SNRPN: variants seen among roughly 807,000 people sequenced by gnomAD.
SNRPN encodes the protein small nuclear ribonucleoprotein polypeptide N, also known as small nuclear ribonucleoprotein-associated protein N.
SNRPN carries 7 observed loss-of-function variants against 25.2 expected under a neutral mutation model. The ratio of observed to expected loss-of-function variants is 0.28; its 90% CI spans 0.16 to 0.52. SNRPN has a LOEUF of 0.52. SNRPN is among the 20% of genes least tolerant of loss of function. The pLI, the probability that SNRPN is intolerant of heterozygous loss-of-function variation, is 0.96. For missense variants in SNRPN, 196 were observed against 322.5 expected, an observed-to-expected ratio of 0.61 and a Z score of 3.00; for synonymous variants, 124 against 110.6, an observed-to-expected ratio of 1.12 and a Z score of -0.76.
At chr15:24,876,391 TG>T (rs1405333419) in intron 1 of SNRPN, among the ~76,000 whole-genome samples, 4 of 151,300 alleles carry the variant, frequency 2.6e-5, no homozygotes, top group Admixed American at 6.7e-5. Flanking sequence ...GCTGAGATGG[TG>T]GATCACCTGA....
intron 1 of SNRPN, among the ~76,000 whole-genome samples, chr15:24,873,503 A>C (rs543992508): frequency 2.1e-5 from 3 of 145,336 alleles, no homozygotes; most frequent in Non-Finnish European, 4.5e-5. Context: ...GCTAGAGTGC[A>C]GTGGTGCAAT....
Position 24,834,751 on chromosome 15 carries a change from C to CTCTCTCTCTCTCTATATATA in SNRPN, c.-579+4847_-579+4848insCTCTCTCTCTCTATATATAT. Among the ~76,000 whole-genome samples, 87 of 60,930 alleles carry CTCTCTCTCTCTCTATATATA rather than the reference C, an allele frequency of 1.4e-3. 1 individual carries two copies. The highest frequency in any genetic ancestry group is 2.0e-3 in the Non-Finnish European group (60 of 30,216). The allele number at this position is 60,930 out of a possible 152,430, so 40.0% of individuals were successfully genotyped here. On this transcript the variant is annotated intron_variant, in intron 2 of 12. Transcript: ENST00000400100. ...TCCCTCTCTCTCTCTCTCTCTCTCT[C>CTCTCTCTCTCTCTATATATA]TATATATATATATATATATATATAT...
intron 2 of SNRPN, chr15:24,911,147 G>A (rs1276660702): frequency 7.1e-6 from 5 of 702,658 alleles, no homozygotes; most frequent in Middle Eastern, 4.2e-4. Context: ...TAGGTCGTCA[G>A]TGCTGGAAAG....
intron 2 of SNRPN, among the ~76,000 whole-genome samples, chr15:24,835,602 C>T (rs2051096310): frequency 6.6e-6 from 1 of 151,816 alleles, no homozygotes; most frequent in African/African-American, 2.4e-5. Context: ...TCTGTTTCTC[C>T]CTCTCATCCC....
intron 1 of SNRPN, among the ~76,000 whole-genome samples, chr15:24,955,631 G>A (rs1157913589): frequency 6.7e-6 from 1 of 148,824 alleles, no homozygotes; most frequent in African/African-American, 2.5e-5. Flanking sequence ...CAGTGACCGA[G>A]GCGAGGAGGC....
In SNRPN at chr15:24,928,653, T is replaced by G. The variant is rs185636235; in HGVS notation, c.-391+8529T>G. Among the ~76,000 whole-genome samples, 1,070 of 152,254 alleles carry G rather than the reference T, an allele frequency of 7.0e-3. 8 individuals are homozygous for G. Among genetic ancestry groups the G allele is most frequent in the South Asian group, 0.03 (143 of 4,818 alleles). On this transcript the variant is annotated intron_variant, in intron 3 of 11. Coordinates refer to the SNRPN transcript ENST00000400097. ...GTAATTTTCCCTCTTTTATTTTTTT[T>G]GAAACAGGGTCTTGCCCTGTCACCC...
intron 1 of SNRPN, among the ~76,000 whole-genome samples, chr15:24,959,445 C>T (rs769219574): frequency 6.6e-6 from 1 of 151,918 alleles, no homozygotes; most frequent in Non-Finnish European, 1.5e-5. Flanking sequence ...ATTGAGACCC[C>T]GTCTCTACAT....
At chr15:24,847,828 G>A (rs2052340883) in intron 2 of SNRPN, among the ~76,000 whole-genome samples, 1 of 152,082 alleles carries the variant, frequency 6.6e-6, no homozygotes, top group Non-Finnish European at 1.5e-5. Flanking sequence ...GTGATACCCT[G>A]AGCGCAATCA....
intron 2 of SNRPN, among the ~76,000 whole-genome samples, chr15:24,916,617 T>C (rs960469292): frequency 1.9e-4 from 29 of 152,206 alleles, no homozygotes; most frequent in Admixed American, 1.8e-3. Context: ...TTTCTACATA[T>C]GCTTCATAGT....
At chr15:24,945,477 T>C (rs2061822861) in intron 3 of SNRPN, among the ~76,000 whole-genome samples, 1 of 151,996 alleles carries the variant, frequency 6.6e-6, no homozygotes, top group Non-Finnish European at 1.5e-5. Flanking sequence ...ACTGCAAGGT[T>C]ATATTGTGCT....
At chr15:24,927,456 A>C (rs1480612563) in intron 3 of SNRPN, among the ~76,000 whole-genome samples, 11 of 105,514 alleles carry the variant, frequency 1.0e-4, no homozygotes, top group South Asian at 9.6e-4. Context: ...TCTGTTTCCC[A>C]CTGCTTATAA....
rs182656896 is a variant in SNRPN at position 24,896,710 on chromosome 15, T to C, written c.-505+10121T>C. Among the ~76,000 whole-genome samples the C allele has an allele frequency of 2.7e-3, 407 of 150,276 alleles. 4 individuals are homozygous for C. The highest frequency in any genetic ancestry group is 1.5e-3 in the Non-Finnish European group (102 of 67,776). ...GCCTGGGCAACAGAGCGAGACTCCG[T>C]CTAAAAAAAAAATGGCTCCTAGGCC... is the stretch of plus-strand genomic sequence containing the variant. On this transcript the variant is annotated intron_variant, in intron 2 of 11. Transcript: ENST00000400097.
intron 2 of SNRPN, among the ~76,000 whole-genome samples, chr15:24,891,382 C>T (rs77745967): frequency 0.055 from 8,315 of 151,996 alleles, 301 homozygotes; most frequent in Middle Eastern, 0.086. Flanking sequence ...TCAATTAAAT[C>T]CTCTTTTAAG....
intron 3 of SNRPN, chr15:24,942,360 A>G (rs2061606410): frequency 2.0e-5 from 3 of 152,184 alleles, no homozygotes; most frequent in Admixed American, 2.0e-4. Context: ...GCCTTACCCC[A>G]GTCCTGTAAA....
At chr15:24,971,832 C>A (rs1441589855) in intron 3 of SNRPN, among the ~76,000 whole-genome samples, 1 of 152,198 alleles carries the variant, frequency 6.6e-6, no homozygotes, top group Non-Finnish European at 1.5e-5. Context: ...CAGAACTGTG[C>A]AATCATTGCC....
At chr15:24,926,516 T>A (rs1262340456) in intron 3 of SNRPN, among the ~76,000 whole-genome samples, 1 of 152,148 alleles carries the variant, frequency 6.6e-6, no homozygotes, top group Non-Finnish European at 1.5e-5. Context: ...TTCTTCACCA[T>A]GCTGTTATAT....
rs1015751773 is a variant in SNRPN, at chr15:24,880,498, T to C, written c.-578-6018T>C. Reference sequence around the variant, plus strand: ...TTTAGTAGTACTTCACAGTCCAGTGTTATTCCTTCATTTCTGTTACTACTT... The same window carrying C: ...TTTAGTAGTACTTCACAGTCCAGTGCTATTCCTTCATTTCTGTTACTACTT... On this transcript the variant is annotated intron_variant, in intron 1 of 11. Coordinates refer to the SNRPN transcript ENST00000400097. 3.9e-5 allele frequency among the ~76,000 whole-genome samples: 6 copies of C among 152,288 alleles called. No individual in the cohort carries two copies. The East Asian group carries it at 1.2e-3, about 29-fold the overall frequency.
intron 2 of SNRPN, among the ~76,000 whole-genome samples, chr15:24,831,005 A>G (rs1275089375): frequency 3.3e-5 from 5 of 151,958 alleles, no homozygotes; most frequent in Non-Finnish European, 7.4e-5. Context: ...GGATCTGTCT[A>G]TTTCTGATAG....
chr15:24,876,319 G>C (rs1393967120), intron 1 of SNRPN, among the ~76,000 whole-genome samples: 2 of 151,970 alleles, frequency 1.3e-5, no homozygotes, highest in Non-Finnish European at 2.9e-5. Flanking sequence ...ATAAAAATCA[G>C]ATTAAAGATA....
Sources: gnomAD v4.1 joint callset for allele counts (sites outside exome capture counted in the v4.1 genomes callset) on GRCh38, gnomAD v4.1.1 for gene constraint, MANE v1.5 for transcripts, NCBI Gene and HGNC (gene_info 2026-07-23, HGNC 2026-07-21) for gene names.